The following SGMS1 variants were observed in gnomAD, a reference collection of about 807,000 sequenced individuals.
SGMS1 encodes the protein phosphatidylcholine:ceramide cholinephosphotransferase 1.
In SGMS1, 13 loss-of-function variants were observed where a neutral mutation model predicts 46.2. That is an observed-to-expected ratio of 0.28 (90% CI 0.18 to 0.45). The LOEUF (loss-of-function observed/expected upper bound fraction) is 0.45, where lower values mean the gene tolerates loss of function less well. Ranked by LOEUF, SGMS1 falls within the 20% of genes least tolerant of loss-of-function variation. The pLI, the probability that SGMS1 is intolerant of heterozygous loss-of-function variation, is 1.00. For synonymous variants in SGMS1, 203 were observed against 187.8 expected, an observed-to-expected ratio of 1.08 and a Z score of -0.66; for missense variants, 324 against 519.9, an observed-to-expected ratio of 0.62 and a Z score of 3.66.
intron 2 of SGMS1, among the ~76,000 whole-genome samples, chr10:50,536,211 T>C (rs1042128870): frequency 3.3e-5 from 5 of 151,980 alleles, no homozygotes; most frequent in Non-Finnish European, 5.9e-5. Context: ...TGCACGCGTA[T>C]AGTCTCAGCT....
chr10:50,440,733 C>T (rs952049841), intron 5 of SGMS1, among the ~76,000 whole-genome samples: 2 of 152,174 alleles, frequency 1.3e-5, no homozygotes, highest in African/African-American at 4.8e-5. Flanking sequence ...TCTCAGCCTC[C>T]TGAGTAGCTG....
chr10:50,352,189 C>G (rs1245731636), intron 6 of SGMS1, among the ~76,000 whole-genome samples: 1 of 152,164 alleles, frequency 6.6e-6, no homozygotes, highest in East Asian at 1.9e-4. Context: ...AACTGTTGGA[C>G]AGCTATTCAG....
At chr10:50,329,501 T>C (rs1847583108) in intron 7 of SGMS1, among the ~76,000 whole-genome samples, 1 of 152,242 alleles carries the variant, frequency 6.6e-6, no homozygotes. Flanking sequence ...GCTTAGAATG[T>C]CTTTGGCGTA....
intron 2 of SGMS1, among the ~76,000 whole-genome samples, chr10:50,587,570 G>A (rs1042040256): frequency 4.6e-5 from 7 of 151,898 alleles, no homozygotes; most frequent in Admixed American, 1.3e-4. Flanking sequence ...GTTGCAGTGA[G>A]CCGAGATCGT....
chr10:50,606,166 T>C (rs1302259208), intron 1 of SGMS1, among the ~76,000 whole-genome samples: 1 of 152,154 alleles, frequency 6.6e-6, no homozygotes, highest in Admixed American at 6.5e-5. Flanking sequence ...AGGAAGGAAA[T>C]TCTGACACAT....
At position 50,526,291 on chromosome 10, in the gene SGMS1, G is replaced by C. The variant is rs578038481; in HGVS notation, c.-588-6370C>G. ...GGCAGCAGGAGGGGGTGGTCGGTGG[G>C]GGAAGTGCCACACTTTTCAAACCAT... On this transcript the variant is annotated intron_variant, in intron 2 of 10. Transcript: ENST00000361781. Among the ~76,000 whole-genome samples, 35 of 152,146 alleles carry C rather than the reference G, an allele frequency of 2.3e-4. No individual in the cohort carries two copies. The East Asian group carries it at 6.6e-3, about 29-fold the overall frequency.
intron 6 of SGMS1, among the ~76,000 whole-genome samples, chr10:50,428,102 G>A (rs546101910): frequency 6.6e-6 from 1 of 152,038 alleles, no homozygotes; most frequent in Non-Finnish European, 1.5e-5. Context: ...TATACTGCAG[G>A]AACAAAATGT....
chr10:50,382,057 T>G (rs1201661100), intron 6 of SGMS1, among the ~76,000 whole-genome samples: 1 of 152,230 alleles, frequency 6.6e-6, no homozygotes, highest in African/African-American at 2.4e-5. Context: ...GTTGAAACTA[T>G]TAGATAAAAC....
intron 5 of SGMS1, among the ~76,000 whole-genome samples, chr10:50,434,243 C>T (rs1203376786): frequency 6.6e-6 from 1 of 152,184 alleles, no homozygotes; most frequent in Non-Finnish European, 1.5e-5. Context: ...TTAGAATAAA[C>T]AGGCTAGAAA....
intron 2 of SGMS1, among the ~76,000 whole-genome samples, chr10:50,521,816 C>G (rs558707577): frequency 1.8e-4 from 27 of 152,302 alleles, no homozygotes; most frequent in African/African-American, 6.0e-4. Flanking sequence ...CATCTAAAGG[C>G]ACAAAAAGTC....
Position 50,562,328 on chromosome 10 carries a change from C to A in SGMS1, c.-589+27825G>T, listed in dbSNP as rs111656317. Among the ~76,000 whole-genome samples, 1,343 of 140,546 alleles carry A rather than the reference C, an allele frequency of 9.6e-3. 19 individuals carry two copies. Among genetic ancestry groups the A allele is most frequent in the African/African-American group, 0.033 (1,274 of 38,578 alleles). 92.2% of individuals were successfully genotyped at this position (140,546 alleles called of 152,430 possible). ...CTCAGGAATTTACATTTCTGACAAA[C>A]ACTCTCTGAGTGTGTGTGTGTGTGT... On this transcript the variant is annotated intron_variant, in intron 2 of 10. Coordinates refer to ENST00000361781, the MANE Select transcript of SGMS1 (RefSeq NM_147156.4).
intron 6 of SGMS1, among the ~76,000 whole-genome samples, chr10:50,389,103 TAA>T (rs1449406509): frequency 6.8e-6 from 1 of 147,790 alleles, no homozygotes; most frequent in Non-Finnish European, 1.5e-5. Flanking sequence ...TCATATACCT[TAA>T]ATATATACAA....
At chr10:50,354,422 C>G (rs1253010925) in intron 6 of SGMS1, among the ~76,000 whole-genome samples, 1 of 152,158 alleles carries the variant, frequency 6.6e-6, no homozygotes, top group East Asian at 1.9e-4. Flanking sequence ...CTTCCTTAAA[C>G]CTTATACAAA....
chr10:50,374,592 C>T (rs1252314266), intron 6 of SGMS1, among the ~76,000 whole-genome samples: 1 of 152,154 alleles, frequency 6.6e-6, no homozygotes, highest in African/African-American at 2.4e-5. Flanking sequence ...TGCTGGATCT[C>T]ACTCCAAGTA....
At chr10:50,521,027 T>C (rs1837852910) in intron 2 of SGMS1, among the ~76,000 whole-genome samples, 1 of 151,980 alleles carries the variant, frequency 6.6e-6, no homozygotes, top group African/African-American at 2.4e-5. Context: ...TTCTGGTGCA[T>C]GCCACCATGC....
At chr10:50,403,429 A>C (rs1848968831) in intron 6 of SGMS1, among the ~76,000 whole-genome samples, 1 of 152,192 alleles carries the variant, frequency 6.6e-6, no homozygotes, top group Admixed American at 6.5e-5. Context: ...TTTGTCAGGC[A>C]TGCATATATC....
chr10:50,414,678 A>C (rs1849145056), intron 6 of SGMS1, among the ~76,000 whole-genome samples: 1 of 152,220 alleles, frequency 6.6e-6, no homozygotes. Context: ...AACTCAAATA[A>C]CTTGCCCAGA....
chr10:50,354,420 A>C (rs1453849908), intron 6 of SGMS1, among the ~76,000 whole-genome samples: 2 of 152,120 alleles, frequency 1.3e-5, no homozygotes, highest in Non-Finnish European at 1.5e-5. Context: ...CCCTTCCTTA[A>C]ACCTTATACA....
chr10:50,577,247 G>C (rs960614353), intron 2 of SGMS1, among the ~76,000 whole-genome samples: 1 of 152,094 alleles, frequency 6.6e-6, no homozygotes. Context: ...AACCCAATCT[G>C]GGTGATGGTC....
Sources: allele counts gnomAD v4.1 joint callset (sites outside exome capture counted in the v4.1 genomes callset), GRCh38; gene constraint gnomAD v4.1.1; transcripts MANE v1.5; gene names NCBI Gene and HGNC (gene_info 2026-07-23, HGNC 2026-07-21).